The following GMDS variants were observed in gnomAD, a reference collection of about 807,000 sequenced individuals.
GMDS encodes the protein GDP-mannose 4,6 dehydratase.
A neutral mutation model predicts 49.9 loss-of-function variants in GMDS; 20 were observed. That is an observed-to-expected ratio of 0.40 (90% confidence interval 0.28 to 0.58). The LOEUF (loss-of-function observed/expected upper bound fraction) is 0.58, where lower values mean the gene tolerates loss of function less well. Among genes scored for constraint, GMDS ranks in the 20% least tolerant of loss-of-function variants. GMDS has a pLI of 0.42. For missense variants in GMDS, 362 were observed against 481.4 expected (o/e 0.75, Z 2.32); for synonymous variants, 177 against 178.6 (o/e 0.99, Z 0.07).
chr6:1,760,527 G>A (rs1292391136), intron 7 of GMDS, among the ~76,000 whole-genome samples: 2 of 152,160 alleles, frequency 1.3e-5, no homozygotes, highest in African/African-American at 4.8e-5. Context: ...GGGTCCTCAT[G>A]AGGGTGTCAT....
chr6:1,701,420 T>A (rs1207417898), intron 9 of GMDS, among the ~76,000 whole-genome samples: 1 of 152,204 alleles, frequency 6.6e-6, no homozygotes, highest in Non-Finnish European at 1.5e-5. Flanking sequence ...CCACCCTTGT[T>A]AAACACTGCC....
chr6:1,948,271 A>G (rs1763183273), intron 6 of GMDS, among the ~76,000 whole-genome samples: 1 of 152,240 alleles, frequency 6.6e-6, no homozygotes, highest in Non-Finnish European at 1.5e-5. Flanking sequence ...AGTGGAAAAG[A>G]AAGTTTTGAC....
intron 7 of GMDS, among the ~76,000 whole-genome samples, chr6:1,822,798 G>A (rs1770951589): frequency 6.6e-6 from 1 of 152,042 alleles, no homozygotes; most frequent in African/African-American, 2.4e-5. Context: ...GAAATGCCTC[G>A]CCTATATTTT....
intron 7 of GMDS, among the ~76,000 whole-genome samples, chr6:1,918,561 C>G (rs1581360803): frequency 6.6e-6 from 1 of 151,412 alleles, no homozygotes; most frequent in Admixed American, 6.6e-5. Flanking sequence ...GCCTGGGCAA[C>G]ATAGGGAGGC....
chr6:1,737,885 G>A (rs374357111), intron 8 of GMDS, among the ~76,000 whole-genome samples: 20 of 104,594 alleles, frequency 1.9e-4, no homozygotes, highest in East Asian at 9.5e-4. Context: ...ACATACACAC[G>A]CAACCCCACA....
intron 1 of GMDS, among the ~76,000 whole-genome samples, chr6:2,187,115 T>C (rs1239281394): frequency 6.6e-6 from 1 of 152,210 alleles, no homozygotes; most frequent in Non-Finnish European, 1.5e-5. Context: ...ATCAGCAAAG[T>C]TCACAAAAGA....
intron 9 of GMDS, among the ~76,000 whole-genome samples, chr6:1,626,910 G>A (rs893959951): frequency 1.3e-5 from 2 of 152,248 alleles, no homozygotes; most frequent in Non-Finnish European, 2.9e-5. Context: ...CACTGTAAAA[G>A]TATTTCATTG....
rs144393278 is a variant in GMDS at position 1,789,715 on chromosome 6, T to C, written c.772-47129A>G. Among the ~76,000 whole-genome samples the C allele has an allele frequency of 2.3e-4, 35 of 152,046 alleles. 1 individual carries two copies. Among genetic ancestry groups the C allele is most frequent in the Middle Eastern group, 3.4e-3 (1 of 294 alleles). On this transcript the variant is annotated intron_variant, in intron 7 of 10. Transcript: ENST00000380815. ...CACACTTGGCTAATTTTTGTGTATT[T>C]TTTTTGTAGAGATGGGGTCTCACTA...
intron 4 of GMDS, among the ~76,000 whole-genome samples, chr6:2,015,619 A>T (rs989865493): frequency 1.3e-5 from 2 of 152,154 alleles, no homozygotes; most frequent in Admixed American, 1.3e-4. Context: ...ACCTAAAGCA[A>T]GCCAAATAAA....
At chr6:1,971,811 T>C (rs1021955387) in intron 4 of GMDS, among the ~76,000 whole-genome samples, 2 of 152,214 alleles carry the variant, frequency 1.3e-5, no homozygotes, top group African/African-American at 4.8e-5. Context: ...TGTTTACATT[T>C]TAGCCACAGA....
intron 7 of GMDS, among the ~76,000 whole-genome samples, chr6:1,808,215 T>A (rs1279261073): frequency 6.6e-6 from 1 of 152,246 alleles, no homozygotes; most frequent in Non-Finnish European, 1.5e-5. Context: ...GCTGCCGTGC[T>A]GTTGGTTTGA....
intron 7 of GMDS, among the ~76,000 whole-genome samples, chr6:1,894,314 C>T (rs1441015777): frequency 2.0e-5 from 3 of 152,028 alleles, no homozygotes; most frequent in African/African-American, 7.2e-5. Flanking sequence ...TAGTTACAAG[C>T]AAAAAGTCCT....
At chr6:2,153,261 G>A (rs898625676) in intron 1 of GMDS, among the ~76,000 whole-genome samples, 4 of 152,062 alleles carry the variant, frequency 2.6e-5, no homozygotes, top group African/African-American at 9.7e-5. Flanking sequence ...CTGGATAAAC[G>A]CATTTACAAC....
At chr6:1,652,414 T>A (rs868678723) in intron 9 of GMDS, among the ~76,000 whole-genome samples, 5 of 27,500 alleles carry the variant, frequency 1.8e-4, no homozygotes, top group African/African-American at 7.8e-4. Flanking sequence ...ATATATTATA[T>A]ATAATATATA....
intron 7 of GMDS, among the ~76,000 whole-genome samples, chr6:1,893,541 T>C (rs1373072584): frequency 6.6e-6 from 1 of 152,200 alleles, no homozygotes; most frequent in Non-Finnish European, 1.5e-5. Context: ...TCTTTTTCAT[T>C]CTCAGTTGCC....
rs1357976004 is a variant in GMDS at position 2,088,770 on chromosome 6, CCCA to C, written c.345+26998_345+27000del. 2.9e-4 allele frequency among the ~76,000 whole-genome samples: 44 copies of C among 152,238 alleles called. 1 individual carries two copies. The highest frequency in any genetic ancestry group is 1.1e-3 in the African/African-American group (44 of 41,564). On this transcript the variant is annotated intron_variant, in intron 4 of 10. Transcript: ENST00000380815. ...TGTTGGCACCACTCTTTCCCTATAT[CCCA>C]CCACCAAGAGAGCTGAAGCTCAGAT...
chr6:1,987,454 G>A (rs560120405), intron 4 of GMDS, among the ~76,000 whole-genome samples: 43 of 152,144 alleles, frequency 2.8e-4, no homozygotes, highest in South Asian at 8.3e-4. Context: ...CTTGACAGTC[G>A]TATTTTTGTT....
chr6:1,917,163 A>G (rs1761447776), intron 7 of GMDS, among the ~76,000 whole-genome samples: 1 of 152,178 alleles, frequency 6.6e-6, no homozygotes. Context: ...TATATGTAAT[A>G]CCTAGCGAGA....
intron 7 of GMDS, among the ~76,000 whole-genome samples, chr6:1,918,514 G>A (rs1332319983): frequency 6.6e-6 from 1 of 151,772 alleles, no homozygotes; most frequent in Non-Finnish European, 1.5e-5. Context: ...GGGGGGCCGA[G>A]GTGGACAGAT....
Sources: gnomAD v4.1 joint callset for allele counts (sites outside exome capture counted in the v4.1 genomes callset) on GRCh38, gnomAD v4.1.1 for gene constraint, MANE v1.5 for transcripts, NCBI Gene and HGNC (gene_info 2026-07-23, HGNC 2026-07-21) for gene names.